Variants in ITIH4 observed in about 807,000 individuals in gnomAD.
The protein encoded by ITIH4 is inter-alpha-trypsin inhibitor heavy chain H4.
A neutral mutation model predicts 111.8 loss-of-function variants in ITIH4; 79 were observed. The ratio of observed to expected loss-of-function variants is 0.71; its 90% confidence interval spans 0.59 to 0.85. The LOEUF (loss-of-function observed/expected upper bound fraction) is 0.85, where lower values mean the gene tolerates loss of function less well. Ranked by LOEUF, ITIH4 falls within the 40% of genes least tolerant of loss-of-function variation. ITIH4 has a pLI of 0.00. For missense variants in ITIH4, 1,065 were observed against 1,195.8 expected (o/e 0.89, Z 1.61); for synonymous variants, 472 against 468.3 (o/e 1.01, Z -0.10).
intron 16 of ITIH4, 46 bp downstream of exon 16, chr3:52,819,708 C>A: frequency 3.1e-6 from 5 of 1,602,438 alleles, no homozygotes; most frequent in Non-Finnish European, 4.3e-6. Flanking sequence ...CTCAAGCTCC[C>A]CCCCAGGGAT....
intron 20 of ITIH4, 57 bp from the exon 21 acceptor site, chr3:52,817,115 C>A: frequency 6.7e-7 from 1 of 1,502,702 alleles, no homozygotes; most frequent in Non-Finnish European, 9.1e-7. Context: ...CTGACACCGA[C>A]CTGCATGGGG....
Position 52,817,988 on chromosome 3 carries a change from T to A in ITIH4, c.2296+64A>T. 4.8e-6 allele frequency: 6 copies of A among 1,247,746 alleles called. No individual in the cohort carries two copies. The South Asian group carries it at 7.3e-5, about 15-fold the overall frequency. 77.3% of individuals were successfully genotyped at this position (1,247,746 alleles called of 1,614,324 possible). On this transcript the variant is annotated intron_variant, in intron 20 of 23. Coordinates refer to ENST00000266041, the MANE Select transcript of ITIH4 (RefSeq NM_002218.5). Reference sequence around the variant, plus strand: ...CCAGCCTGCACGCGCTGTGTGTGTCTCTGTAGGCAGGTGGTGGGTGTGTGC... The same window carrying A: ...CCAGCCTGCACGCGCTGTGTGTGTCACTGTAGGCAGGTGGTGGGTGTGTGC...
At chr3:52,829,063 A>G (rs1396017155) in intron 2 of ITIH4, 56 bp downstream of exon 2, 1 of 1,393,444 alleles carries the variant, frequency 7.2e-7, no homozygotes, top group Non-Finnish European at 9.7e-7. Flanking sequence ...GCACAGAGCG[A>G]TGGAGTCATA....
chr3:52,824,814 G>T lies in ITIH4; in HGVS notation c.876+28C>A. On this transcript the variant is annotated intron_variant, in intron 7 of 23. Transcript: ENST00000266041. The surrounding 1 kb of genome is among the most constrained non-coding windows in gnomAD (Gnocchi z 4.3). ...AGCGTGAAGGGCCTGGGAGTTTTCAGGGCCCTGCCCTGGGCCACAGGACCT... is the reference window on the plus strand; with the variant it reads ...AGCGTGAAGGGCCTGGGAGTTTTCATGGCCCTGCCCTGGGCCACAGGACCT... 6.4e-7 allele frequency: 1 copy of T among 1,555,024 alleles called. No individual in the cohort carries two copies. Among genetic ancestry groups the T allele is most frequent in the South Asian group, 1.1e-5 (1 of 88,708 alleles).
Position 52,825,960 on chromosome 3 carries a change from G to C in ITIH4, c.685C>G (p.Gln229Glu), listed in dbSNP as rs1700473952. Residue 229 changes from glutamine (Q) to glutamate (E), a missense_variant, in exon 6 of 24, where the codon CAA (glutamine) becomes GAA (glutamate). By Grantham distance (29) the Gln-to-Glu change is conservative. Transcript: ENST00000266041. Reference protein sequence around the residue: ...LSQQQKSPEQQETVLDGNLII... With the variant: ...LSQQQKSPEQEETVLDGNLII... ...AGGTTGCCGTCCAGGACTGTTTCTT[G>C]CTGCTCTGGGGACTTTTGCTGCTGG... is the stretch of plus-strand genomic sequence containing the variant. 1.2e-6 allele frequency: 2 copies of C among 1,614,044 alleles called. No homozygotes were observed. Among genetic ancestry groups the C allele is most frequent in the Non-Finnish European group, 1.7e-6 (2 of 1,180,028 alleles).
At chr3:52,818,215 G>A (rs374392706) in intron 19 of ITIH4, 42 bp downstream of exon 19, 611 of 1,593,114 alleles carry the variant, frequency 3.8e-4, no homozygotes, top group Non-Finnish European at 5.1e-4. Context: ...GGCAGGCTGG[G>A]GGCAAGGATG....
rs187933377 is a variant in ITIH4, at chr3:52,814,850, C to T, written c.2472-487G>A. On this transcript the variant is annotated intron_variant, in intron 21 of 23. Coordinates refer to ENST00000266041, the MANE Select transcript of ITIH4 (RefSeq NM_002218.5). Reference sequence around the variant, plus strand: ...CTGCCTGCCTCAGCCTCCCAAGGTGCTGGGATTACAGGCGTGAGCCACCGC... The same window carrying T: ...CTGCCTGCCTCAGCCTCCCAAGGTGTTGGGATTACAGGCGTGAGCCACCGC... 7.4e-3 allele frequency among the ~76,000 whole-genome samples: 1,130 copies of T among 152,310 alleles called. 5 individuals carry two copies. The highest frequency in any genetic ancestry group is 0.014 in the Middle Eastern group (4 of 294).
chr3:52,823,704 G>A lies in ITIH4; in HGVS notation c.1391C>T (p.Ala464Val), dbSNP rs1559480858. Residue 464 changes from alanine to valine, a missense_variant, in exon 11 of 24, where the codon GCA (alanine) becomes GTA (valine). Physicochemically the swap from Ala to Val is moderately conservative, Grantham distance 64. Coordinates refer to ENST00000266041, the MANE Select transcript of ITIH4 (RefSeq NM_002218.5). Reference protein sequence around the residue: ...YQEVANPLLTAVTFEYPSNAV... With the variant: ...YQEVANPLLTVVTFEYPSNAV... The stretch of plus-strand genomic sequence containing the variant: ...ATTGCTTGGGTACTCGAAGGTCACT[G>A]CTGTCAGCAGTGGGTTGGCCACTTC... 6.2e-7 allele frequency: 1 copy of A among 1,614,196 alleles called. No individual in the cohort carries two copies. Among genetic ancestry groups the A allele is most frequent in the Middle Eastern group, 1.6e-4 (1 of 6,062 alleles).
chr3:52,818,504 G>A lies in ITIH4; in HGVS notation c.2110C>T (p.Pro704Ser), dbSNP rs1334409694. The change falls in exon 18 of 24, where the codon CCT becomes TCT. Residue 704 changes from proline to serine, a missense_variant. Coordinates refer to ENST00000266041, the MANE Select transcript of ITIH4 (RefSeq NM_002218.5). ...PASAPPATSN[P>S]DPAVSRVMNM... is the part of the protein sequence containing the mutation. Reference sequence around the variant, plus strand: ...ATGACACGAGACACAGCTGGATCAGGATTTGAGGTGGCTGGTGGTGCTGAA... The same window carrying A: ...ATGACACGAGACACAGCTGGATCAGAATTTGAGGTGGCTGGTGGTGCTGAA... 6.2e-7 allele frequency: 1 copy of A among 1,606,246 alleles called. No individual in the cohort carries two copies. Among genetic ancestry groups the A allele is most frequent in the South Asian group, 1.1e-5 (1 of 89,656 alleles).
chr3:52,820,168 G>A (rs1700353454), intron 14 of ITIH4, 123 bp downstream of exon 14: 1 of 1,393,216 alleles, frequency 7.2e-7, no homozygotes, highest in Non-Finnish European at 1.0e-6. Context: ...CTGGCAGCAG[G>A]GATGGGCTGG....
chr3:52,823,637 G>T lies in ITIH4; in HGVS notation c.1458C>A (p.Phe486Leu). 8.1e-6 allele frequency: 13 copies of T among 1,614,182 alleles called. No homozygotes were observed. The highest frequency in any genetic ancestry group is 1.1e-5 in the Non-Finnish European group (13 of 1,180,022). Residue 486 changes from phenylalanine (F) to leucine (L), a missense_variant, in exon 11 of 24, where the codon TTC becomes TTA. Physicochemically the swap from Phe to Leu is conservative, Grantham distance 22. Coordinates refer to ENST00000266041, the MANE Select transcript of ITIH4 (RefSeq NM_002218.5). ...CAGCCACCACCATCTCTGAGCCCTT[G>T]AAGAGGAGCCGGAAGTTGTTCTGAG... is the stretch of plus-strand genomic sequence containing the variant. ...EVTQNNFRLL[F>L]KGSEMVVAGK...
In ITIH4 at chr3:52,814,303, G is replaced by A; in HGVS notation, c.2532C>T (p.Thr844=). Residue 844 remains threonine, a synonymous_variant, in exon 22 of 24, where the codon ACC becomes ACT. Coordinates refer to ENST00000266041, the MANE Select transcript of ITIH4 (RefSeq NM_002218.5). ...LLLLSDPDKV[T]IGLLFWDGRG... is the part of the protein sequence containing the mutation. ...GGCCATCCCAGAACAACAGGCCGAT[G>A]GTCACTTTGTCTGGGTCACTGAGCA... 2 of 1,614,034 alleles carry A rather than the reference G, an allele frequency of 1.2e-6. No homozygotes were observed. The highest frequency in any genetic ancestry group is 1.7e-6 in the Non-Finnish European group (2 of 1,179,978).
At chr3:52,814,433 G>A in intron 21 of ITIH4, 70 bp from the exon 22 acceptor site, 1 of 1,417,008 alleles carries the variant, frequency 7.1e-7, no homozygotes, top group Non-Finnish European at 9.9e-7. Flanking sequence ...AGTCAGGGTG[G>A]GGAGTGGGCT....
intron 2 of ITIH4, among the ~76,000 whole-genome samples, chr3:52,827,733 GGCAC>G (rs1490232570): frequency 2.0e-5 from 3 of 152,230 alleles, no homozygotes; most frequent in Admixed American, 2.0e-4. Context: ...ACAAGAGGCA[GGCAC>G]CCTATAGGGA....
At position 52,819,945 on chromosome 3, in the gene ITIH4, T is replaced by G; in HGVS notation, c.1907A>C (p.Lys636Thr). 1 of 1,613,154 alleles carries G rather than the reference T, an allele frequency of 6.2e-7. No homozygotes were observed. The highest frequency in any genetic ancestry group is 8.5e-7 in the Non-Finnish European group (1 of 1,179,228). Residue 636 changes from lysine (K) to threonine (T), a missense_variant, in exon 15 of 24, where the codon AAA becomes ACA. Lys to Thr is a moderately conservative substitution (Grantham distance 78). Coordinates refer to ENST00000266041, the MANE Select transcript of ITIH4 (RefSeq NM_002218.5). ...KYYLQGAKIPKPEASFSPRRG... is the reference protein window; with the variant it reads ...KYYLQGAKIPTPEASFSPRRG... ...CCCACCTCCTACTTTGTCACCTGGT[T>G]TTGGTATTTTTGCTCCCTGGAGATA... is the stretch of plus-strand genomic sequence containing the variant.
intron 21 of ITIH4, among the ~76,000 whole-genome samples, chr3:52,814,632 G>C (rs1337389486): frequency 1.3e-5 from 2 of 152,096 alleles, no homozygotes; most frequent in Non-Finnish European, 2.9e-5. Flanking sequence ...TGTCCCCCAG[G>C]CTGCAGTGCA....
In ITIH4 at chr3:52,824,986, C is replaced by A; in HGVS notation, c.760-28G>T. 2.7e-6 allele frequency: 4 copies of A among 1,504,342 alleles called. No individual in the cohort carries two copies. The highest frequency in any genetic ancestry group is 3.7e-6 in the Non-Finnish European group (4 of 1,090,004). The allele number at this position is 1,504,342 out of a possible 1,614,324, so 93.2% of individuals were successfully genotyped here. ...GTGGCCAGAGTGAGACCCACCCAGG[C>A]CATCAGAGCTACAATTGGCCCTATC... is the stretch of plus-strand genomic sequence containing the variant. On this transcript the variant is annotated intron_variant, in intron 6 of 23. Coordinates refer to ENST00000266041, the MANE Select transcript of ITIH4 (RefSeq NM_002218.5). The surrounding 1 kb of genome is among the most constrained non-coding windows in gnomAD (Gnocchi z 4.3).
In ITIH4 at chr3:52,825,900, C is replaced by A. The variant is rs139719930; in HGVS notation, c.745G>T (p.Gly249Trp). ...IRYDVDRAIS[G>W]GSIQIENGYF... ...AGTCCACCCACCTGAATGGAGCCCC[C>A]GGAGATGGCCCGGTCCACATCATAG... Residue 249 changes from glycine (G) to tryptophan (W), a missense_variant, in exon 6 of 24, where the codon GGG (glycine) becomes TGG (tryptophan). Coordinates refer to ENST00000266041, the MANE Select transcript of ITIH4 (RefSeq NM_002218.5). 2.8e-5 allele frequency: 45 copies of A among 1,613,700 alleles called. No homozygotes were observed. Among genetic ancestry groups the A allele is most frequent in the Admixed American group, 1.7e-4 (10 of 59,978 alleles).
intron 22 of ITIH4, 57 bp downstream of exon 22, chr3:52,814,151 GT>G: frequency 1.9e-6 from 3 of 1,604,836 alleles, no homozygotes; most frequent in Non-Finnish European, 2.6e-6. Context: ...GGCGCTGCCT[GT>G]TCCCAAGCAC....
Sources: gnomAD v4.1 joint callset for allele counts (sites outside exome capture counted in the v4.1 genomes callset) on GRCh38, gnomAD v4.1.1 for gene constraint, Gnocchi (gnomAD v3.1) non-coding constraint, MANE v1.5 for transcripts, NCBI Gene and HGNC (gene_info 2026-07-23, HGNC 2026-07-21) for gene names.